Variants in RAPH1 observed in about 807,000 individuals in gnomAD.
RAPH1 encodes Ras association (RalGDS/AF-6) and pleckstrin homology domains 1.
RAPH1 carries 18 observed loss-of-function variants against 88.1 expected under a neutral mutation model. The ratio of observed to expected loss-of-function variants is 0.20; its 90% CI spans 0.14 to 0.30. The LOEUF (loss-of-function observed/expected upper bound fraction) is 0.30. Ranked by LOEUF, RAPH1 falls within the 10% of genes least tolerant of loss-of-function variation. The pLI is 1.00. For missense variants in RAPH1, 1,448 were observed against 1,543.2 expected, an observed-to-expected ratio of 0.94 and a Z score of 1.03; for synonymous variants, 587 against 559.0, an observed-to-expected ratio of 1.05 and a Z score of -0.71.
At chr2:203,527,608 G>A (rs897104312) in intron 1 of RAPH1, among the ~76,000 whole-genome samples, 45 of 152,070 alleles carry the variant, frequency 3.0e-4, no homozygotes, top group African/African-American at 1.1e-3. Context: ...AGACCAGCCT[G>A]ACCAACACAG....
chr2:203,489,938 A>G lies in RAPH1; in HGVS notation c.378T>C (p.His126=), dbSNP rs776240312. Residue 126 remains histidine (H), a synonymous_variant, in exon 4 of 14, where the codon CAT becomes CAC. Coordinates refer to ENST00000319170, the MANE Select transcript of RAPH1 (RefSeq NM_213589.3). ...CTTTCAAGGTGCCATGTTTCAATGT[A>G]TGTCGGCTAACAGGCAATTTCTGAG... ...KATQKLPVSR[H]TLKHGTLKGL... is the part of the protein sequence containing the mutation. The G allele has an allele frequency of 1.9e-6, 3 of 1,614,090 alleles. No homozygotes were observed. Among genetic ancestry groups the G allele is most frequent in the Non-Finnish European group, 2.5e-6 (3 of 1,180,032 alleles).
Position 203,531,869 on chromosome 2 carries a change from C to T in RAPH1, c.-1+3242G>A, listed in dbSNP as rs372898694. On this transcript the variant is annotated intron_variant, in intron 1 of 13. Coordinates refer to ENST00000319170, the MANE Select transcript of RAPH1 (RefSeq NM_213589.3). ...ATTAAATATAGAATTAGCATACAAT[C>T]TAGCAATCCCATTTCTGGGTGTATA... Among the ~76,000 whole-genome samples the T allele has an allele frequency of 4.6e-5, 7 of 152,272 alleles. No homozygotes were observed. The South Asian group carries it at 1.4e-3, about 32-fold the overall frequency.
chr2:203,472,208 C>T (rs2098533813), intron 4 of RAPH1, among the ~76,000 whole-genome samples: 1 of 151,772 alleles, frequency 6.6e-6, no homozygotes, highest in Non-Finnish European at 1.5e-5. Context: ...TCTCAGCTCA[C>T]TGCAACCTCT....
At position 203,440,414 on chromosome 2, in the gene RAPH1, C is replaced by G; in HGVS notation, c.2776G>C (p.Val926Leu). 1 of 1,557,094 alleles carries G rather than the reference C, an allele frequency of 6.4e-7. No individual in the cohort carries two copies. The highest frequency in any genetic ancestry group is 8.7e-7 in the Non-Finnish European group (1 of 1,152,060). The change falls in exon 14 of 14, where the codon GTG becomes CTG. Residue 926 changes from valine to leucine, a missense_variant. This residue lies in a region of RAPH1 where 935 missense variants were observed against 890.1 expected (regional missense o/e 1.05). Coordinates refer to ENST00000319170, the MANE Select transcript of RAPH1 (RefSeq NM_213589.3). ...GGTGATGGGGGTGGAGGAGGAAACA[C>G]CAGGCTGCTTTCAGGAGGGGGAGGA... ...FPPPPPESSL[V>L]FPPPPPSPVP... is the part of the protein sequence containing the mutation.
intron 1 of RAPH1, among the ~76,000 whole-genome samples, chr2:203,497,401 AG>A (rs1688565267): frequency 6.6e-6 from 1 of 152,212 alleles, no homozygotes; most frequent in Admixed American, 6.5e-5. Flanking sequence ...GGATCCTTAA[AG>A]GTTAGGAGAA....
At chr2:203,486,925 C>T (rs778679764) in intron 4 of RAPH1, among the ~76,000 whole-genome samples, 2 of 152,154 alleles carry the variant, frequency 1.3e-5, no homozygotes, top group Non-Finnish European at 2.9e-5. Flanking sequence ...GGTTTACTCA[C>T]CAAACCTTAC....
At chr2:203,487,369 T>C (rs976034479) in intron 4 of RAPH1, among the ~76,000 whole-genome samples, 5 of 152,034 alleles carry the variant, frequency 3.3e-5, no homozygotes, top group African/African-American at 1.2e-4. Context: ...TATCACAAAA[T>C]AGAAATCAGT....
At chr2:203,494,124 G>C (rs1427165796) in intron 2 of RAPH1, among the ~76,000 whole-genome samples, 1 of 151,836 alleles carries the variant, frequency 6.6e-6, no homozygotes, top group Non-Finnish European at 1.5e-5. Context: ...ATTCTAGATT[G>C]CTGCAGAAAT....
In RAPH1 at chr2:203,439,469, C is replaced by T; in HGVS notation, c.3721G>A (p.Asp1241Asn). ...RGPPPAPPKRDQNTKLSRDW is the reference protein window; with the variant it reads ...RGPPPAPPKRNQNTKLSRDW ...TCTCTGGAGAGCTTGGTGTTCTGGT[C>T]TCTTTTGGGGGGAGCAGGAGGGGGT... is the stretch of plus-strand genomic sequence containing the variant. The change falls in exon 14 of 14, where the codon GAC becomes AAC. Residue 1241 changes from aspartate to asparagine, a missense_variant. Asp to Asn is a conservative substitution (Grantham distance 23). Coordinates refer to ENST00000319170, the MANE Select transcript of RAPH1 (RefSeq NM_213589.3). 6.2e-7 allele frequency: 1 copy of T among 1,613,908 alleles called. No individual in the cohort carries two copies. The highest frequency in any genetic ancestry group is 2.2e-5 in the East Asian group (1 of 44,880).
In RAPH1 at chr2:203,489,991, T is replaced by G. The variant is rs367927790; in HGVS notation, c.325A>C (p.Lys109Gln). The G allele has an allele frequency of 5.0e-6, 8 of 1,614,122 alleles. No homozygotes were observed. In the African/African-American group the frequency reaches 1.1e-4, roughly 22 times the overall value. ...ELSSIGSGNSKRQITETKATQ... is the reference protein window; with the variant it reads ...ELSSIGSGNSQRQITETKATQ... ...GCTTTCGTTTCTGTGATTTGACGCT[T>G]ACTGTTTCCTGAACCAATGCTGCTG... The change falls in exon 4 of 14, where the codon AAG becomes CAG. Residue 109 changes from lysine (K) to glutamine (Q), a missense_variant. Transcript: ENST00000319170.
intron 1 of RAPH1, among the ~76,000 whole-genome samples, chr2:203,506,866 A>ATCTC (rs1553630572): frequency 0.063 from 5,757 of 90,664 alleles, 512 homozygotes; most frequent in Non-Finnish European, 0.089. Context: ...CTATATATAT[A>ATCTC]TATATATATA....
At chr2:203,463,930 C>T (rs970332229) in intron 4 of RAPH1, among the ~76,000 whole-genome samples, 7 of 152,024 alleles carry the variant, frequency 4.6e-5, no homozygotes, top group Admixed American at 3.9e-4. Context: ...GGTAAATTAC[C>T]AAAACTTATA....
chr2:203,517,355 G>A (rs1581399944), intron 1 of RAPH1, among the ~76,000 whole-genome samples: 2 of 88,508 alleles, frequency 2.3e-5, no homozygotes, highest in Admixed American at 3.2e-4. Context: ...CAAACTATGA[G>A]AGGCAAAAAA....
rs573120043 is a variant in RAPH1 at position 203,434,105 on chromosome 2, C to T, written c.*5332G>A. 6.6e-6 allele frequency: 1 copy of T among 151,476 alleles called. No individual in the cohort carries two copies. Among genetic ancestry groups the T allele is most frequent in the African/African-American group, 2.4e-5 (1 of 41,068 alleles). 9.4% of individuals were successfully genotyped at this position (151,476 alleles called of 1,614,324 possible). On this transcript the variant is annotated 3_prime_UTR_variant, in exon 14 of 14. Coordinates refer to ENST00000319170, the MANE Select transcript of RAPH1 (RefSeq NM_213589.3). ...AGCTTTGCACAATCAGGGAGCAAGGCACATAATGAAATGAGCATACATTTA... is the reference window on the plus strand; with the variant it reads ...AGCTTTGCACAATCAGGGAGCAAGGTACATAATGAAATGAGCATACATTTA...
At chr2:203,531,667 C>T (rs1414624425) in intron 1 of RAPH1, among the ~76,000 whole-genome samples, 5 of 152,090 alleles carry the variant, frequency 3.3e-5, no homozygotes, top group Non-Finnish European at 7.4e-5. Context: ...CAAATCAAAA[C>T]CACAATGAAA....
intron 1 of RAPH1, among the ~76,000 whole-genome samples, chr2:203,508,967 T>C (rs1689210213): frequency 6.6e-6 from 1 of 152,128 alleles, no homozygotes; most frequent in Admixed American, 6.5e-5. Flanking sequence ...GCTTACTCAG[T>C]TAACCTTTTT....
intron 1 of RAPH1, among the ~76,000 whole-genome samples, chr2:203,503,541 T>A (rs1000151665): frequency 6.6e-6 from 1 of 152,092 alleles, no homozygotes; most frequent in African/African-American, 2.4e-5. Context: ...CCACAACACA[T>A]AGGAATTCTG....
At chr2:203,502,736 C>T (rs181753555) in intron 1 of RAPH1, among the ~76,000 whole-genome samples, 220 of 151,010 alleles carry the variant, frequency 1.5e-3, no homozygotes, top group African/African-American at 5.1e-3. Flanking sequence ...AGAAGAATGG[C>T]GTGAACCCTG....
chr2:203,480,024 A>C (rs934345581), intron 4 of RAPH1, among the ~76,000 whole-genome samples: 1 of 152,222 alleles, frequency 6.6e-6, no homozygotes, highest in Non-Finnish European at 1.5e-5. Context: ...TTCTCTGTAT[A>C]AATTTTGCTG....
Sources: allele counts gnomAD v4.1 joint callset (sites outside exome capture counted in the v4.1 genomes callset), GRCh38; gene constraint gnomAD v4.1.1; regional missense constraint gnomAD v4.1.1; transcripts MANE v1.5; gene names NCBI Gene and HGNC (gene_info 2026-07-23, HGNC 2026-07-21).